The following C10orf67 variants were observed in gnomAD, a reference collection of about 807,000 sequenced individuals.
C10orf67 encodes the protein uncharacterized protein C10orf67, mitochondrial.
A neutral mutation model predicts 35.6 loss-of-function variants in C10orf67; 60 were observed. The observed-to-expected ratio is 1.68, with a 90% CI of 1.37 to 2.09. C10orf67 has a LOEUF of 2.09. Among genes scored for constraint, C10orf67 ranks in the 30% most tolerant of loss-of-function variants. The probability of loss-of-function intolerance (pLI) is 0.00; values close to 1 mark genes in which losing one functional copy is unlikely to be tolerated. For synonymous variants in C10orf67, 167 were observed against 115.8 expected (o/e 1.44, Z -2.84); for missense variants, 474 against 330.2 (o/e 1.44, Z -3.38).
chr10:23,262,260 T>C (rs1842769132), intron 10 of C10orf67, among the ~76,000 whole-genome samples: 1 of 150,726 alleles, frequency 6.6e-6, no homozygotes, highest in Non-Finnish European at 1.5e-5. Flanking sequence ...CCAAATGACC[T>C]GGTGTTCAGG....
chr10:23,234,670 A>G lies in C10orf67; in HGVS notation c.1434+5059T>C, dbSNP rs560495072. ...AACAAACCTGCACATGTACCTCTGA[A>G]CTTCAAATATAAGTTAAATAATGAG... On this transcript the variant is annotated intron_variant, in intron 13 of 15. Transcript: ENST00000636213. Among the ~76,000 whole-genome samples the G allele has an allele frequency of 6.6e-5, 10 of 152,184 alleles. 1 individual carries two copies. Among genetic ancestry groups the G allele is most frequent in the African/African-American group, 2.4e-4 (10 of 41,498 alleles).
At chr10:23,246,717 C>G (rs769659490) in intron 12 of C10orf67, among the ~76,000 whole-genome samples, 1 of 152,012 alleles carries the variant, frequency 6.6e-6, no homozygotes, top group African/African-American at 2.4e-5. Context: ...TAGGCTTAGG[C>G]TAGTGTGTGT....
At chr10:23,236,039 G>T (rs1051718528) in intron 13 of C10orf67, among the ~76,000 whole-genome samples, 5 of 151,984 alleles carry the variant, frequency 3.3e-5, no homozygotes, top group Admixed American at 6.6e-5. Context: ...ACAAGGTCAG[G>T]AGATCGAGAC....
At chr10:23,304,991 C>T (rs1844221981) in intron 4 of C10orf67, among the ~76,000 whole-genome samples, 1 of 152,174 alleles carries the variant, frequency 6.6e-6, no homozygotes, top group Non-Finnish European at 1.5e-5. Flanking sequence ...TCGGCTGCAA[C>T]CCTACTCAAC....
intron 1 of C10orf67, among the ~76,000 whole-genome samples, chr10:23,342,249 CACTT>C (rs1845924572): frequency 1.3e-5 from 2 of 152,200 alleles, no homozygotes; most frequent in South Asian, 4.2e-4. Context: ...CACTCTCACA[CACTT>C]ACTCACTTTC....
At chr10:23,235,358 A>C (rs116506466) in intron 13 of C10orf67, among the ~76,000 whole-genome samples, 2,569 of 152,340 alleles carry the variant, frequency 0.017, 72 homozygotes, top group African/African-American at 0.059. Context: ...TCTGACCTTC[A>C]AGGGACACCA....
intron 2 of C10orf67, among the ~76,000 whole-genome samples, chr10:23,324,195 C>A (rs576799047): frequency 6.6e-6 from 1 of 151,462 alleles, no homozygotes; most frequent in East Asian, 2.0e-4. Context: ...AGAACTAACT[C>A]CTCTTCTTCC....
chr10:23,244,967 A>G (rs1166411942), intron 12 of C10orf67, among the ~76,000 whole-genome samples: 1 of 152,246 alleles, frequency 6.6e-6, no homozygotes, highest in Non-Finnish European at 1.5e-5. Context: ...TTACAAAGCT[A>G]TAGTAATCAA....
intron 1 of C10orf67, among the ~76,000 whole-genome samples, chr10:23,334,796 C>G (rs1845611273): frequency 6.6e-6 from 1 of 152,228 alleles, no homozygotes; most frequent in Non-Finnish European, 1.5e-5. Context: ...TTCTTTGTCT[C>G]TGGACATTGC....
At chr10:23,277,583 G>A (rs926053690) in intron 8 of C10orf67, among the ~76,000 whole-genome samples, 7 of 151,202 alleles carry the variant, frequency 4.6e-5, no homozygotes, top group Non-Finnish European at 7.4e-5. Context: ...ACACACACAC[G>A]TATACAAAAT....
At chr10:23,343,416 T>C (rs1421155506) in intron 1 of C10orf67, among the ~76,000 whole-genome samples, 1 of 152,196 alleles carries the variant, frequency 6.6e-6, no homozygotes, top group East Asian at 1.9e-4. Flanking sequence ...ACCTGGAATC[T>C]GCCAGTGGGC....
downstream of C10orf67, chr10:23,202,545 A>G (rs1841052925): frequency 6.6e-6 from 1 of 152,048 alleles, no homozygotes; most frequent in Non-Finnish European, 1.5e-5. Context: ...GGAAAAAAAT[A>G]AGTAAAAAAG....
At chr10:23,281,980 A>T (rs1290739592) in intron 8 of C10orf67, 33 bp downstream of exon 8, 1 of 565,674 alleles carries the variant, frequency 1.8e-6, no homozygotes, top group Non-Finnish European at 3.2e-6. Context: ...TCCTGAATTC[A>T]AATTTGTTAG....
intron 7 of C10orf67, among the ~76,000 whole-genome samples, chr10:23,285,925 C>T (rs1455590083): frequency 6.6e-6 from 1 of 152,232 alleles, no homozygotes; most frequent in Non-Finnish European, 1.5e-5. Flanking sequence ...TGAGGCAGCA[C>T]TTAACTGATA....
chr10:23,236,253 GAAAAAAAAAAAAAA>G (rs368833212), intron 13 of C10orf67, among the ~76,000 whole-genome samples: 1,677 of 75,828 alleles, frequency 0.022, 31 homozygotes, highest in Middle Eastern at 0.093. Context: ...CCTCTCGGGG[GAAAAAAAAAAAAAA>G]AAAAAAAAAA....
intron 12 of C10orf67, among the ~76,000 whole-genome samples, chr10:23,246,511 A>G (rs1842320293): frequency 6.6e-6 from 1 of 152,214 alleles, no homozygotes; most frequent in Non-Finnish European, 1.5e-5. Context: ...AAGGAGAAAA[A>G]CACAAATTCT....
chr10:23,299,489 T>C (rs780615238), intron 5 of C10orf67, among the ~76,000 whole-genome samples: 2 of 152,208 alleles, frequency 1.3e-5, no homozygotes, highest in Non-Finnish European at 2.9e-5. Context: ...AGGTGTATAA[T>C]GGCCCCTGCT....
intron 6 of C10orf67, 145 bp from the exon 7 acceptor site, chr10:23,290,103 C>G (rs1329723376): frequency 2.4e-5 from 14 of 581,230 alleles, no homozygotes; most frequent in East Asian, 1.7e-4. Context: ...TCACAACTGC[C>G]CTTGACATTC....
chr10:23,224,176 G>A (rs903832086), intron 13 of C10orf67, among the ~76,000 whole-genome samples: 2 of 152,182 alleles, frequency 1.3e-5, no homozygotes, highest in East Asian at 1.9e-4. Flanking sequence ...CCTCTGAGAC[G>A]AAGCTTCCAG....
Sources: gnomAD v4.1 joint callset for allele counts (sites outside exome capture counted in the v4.1 genomes callset) on GRCh38, gnomAD v4.1.1 for gene constraint, MANE v1.5 for transcripts, NCBI Gene and HGNC (gene_info 2026-07-23, HGNC 2026-07-21) for gene names.